PLD5: variants seen among roughly 807,000 people sequenced by gnomAD.
PLD5 encodes the protein inactive phospholipase D5.
In PLD5, 36 loss-of-function variants were observed where a neutral mutation model predicts 61.1. That is an observed-to-expected ratio of 0.59 (90% CI 0.45 to 0.78). PLD5 has a LOEUF of 0.78. Ranked by LOEUF, PLD5 falls within the 30% of genes least tolerant of loss-of-function variation. PLD5 has a pLI of 0.00. For missense variants in PLD5, 515 were observed against 644.4 expected, an observed-to-expected ratio of 0.80 and a Z score of 2.17; for synonymous variants, 243 against 242.8, an observed-to-expected ratio of 1.00 and a Z score of -0.01.
intron 4 of PLD5, among the ~76,000 whole-genome samples, chr1:242,243,255 G>C (rs369079524): frequency 6.6e-6 from 1 of 152,360 alleles, no homozygotes; most frequent in East Asian, 1.9e-4. Context: ...GCAGTTTAAA[G>C]AGAGTCCGGC....
intron 2 of PLD5, among the ~76,000 whole-genome samples, chr1:242,308,990 G>A (rs1183160346): frequency 2.0e-5 from 3 of 152,064 alleles, no homozygotes; most frequent in Non-Finnish European, 2.9e-5. Context: ...AAAGTGGAGC[G>A]GGGAAAAAGA....
chr1:242,187,515 C>T (rs1007002482), intron 5 of PLD5, among the ~76,000 whole-genome samples: 2 of 152,048 alleles, frequency 1.3e-5, no homozygotes, highest in Non-Finnish European at 2.9e-5. Flanking sequence ...TATTAATATA[C>T]AAATATATAA....
At chr1:242,246,752 T>G (rs1443364901) in intron 4 of PLD5, among the ~76,000 whole-genome samples, 4 of 152,204 alleles carry the variant, frequency 2.6e-5, no homozygotes, top group Admixed American at 6.5e-5. Flanking sequence ...AGGTTTATTC[T>G]GAGCCAATCT....
chr1:242,250,163 T>C (rs1427519575), intron 4 of PLD5, among the ~76,000 whole-genome samples: 1 of 152,194 alleles, frequency 6.6e-6, no homozygotes, highest in Admixed American at 6.5e-5. Context: ...AGAAAAACGG[T>C]ATACTCAGTG....
Position 242,456,753 on chromosome 1 carries a change from A to T in PLD5, c.189+67335T>A, listed in dbSNP as rs72765040. On this transcript the variant is annotated intron_variant, in intron 1 of 9. Transcript: ENST00000536534. ...CTAGTTTTCTGATTTCTTTTGAAAC[A>T]TCAGAAGATCTGGCCCCTGTGAGAC... Among the ~76,000 whole-genome samples, 757 of 152,344 alleles carry T rather than the reference A, an allele frequency of 5.0e-3. 4 individuals are homozygous for T. The highest frequency in any genetic ancestry group is 8.1e-3 in the Non-Finnish European group (553 of 68,036).
chr1:242,289,328 T>C (rs1254855185), intron 2 of PLD5, among the ~76,000 whole-genome samples: 1 of 152,180 alleles, frequency 6.6e-6, no homozygotes, highest in African/African-American at 2.4e-5. Context: ...TTTATTAAGC[T>C]TTATTTATTA....
intron 1 of PLD5, among the ~76,000 whole-genome samples, chr1:242,395,035 ATG>A (rs1236420793): frequency 2.4e-4 from 15 of 61,448 alleles, no homozygotes; most frequent in African/African-American, 5.8e-4. Context: ...GTATATATGA[ATG>A]TATATGTATA....
chr1:242,117,973 A>G (rs1458768553), intron 6 of PLD5, among the ~76,000 whole-genome samples: 2 of 46,342 alleles, frequency 4.3e-5, no homozygotes, highest in East Asian at 1.3e-3. Context: ...AATGTGTCCA[A>G]ATGCTCACAT....
chr1:242,084,314 A>C lies in PLD5; in HGVS notation c.*5540T>G, dbSNP rs1165411110. 1 of 151,850 alleles carries C rather than the reference A, an allele frequency of 6.6e-6. No homozygotes were observed. The highest frequency in any genetic ancestry group is 1.5e-5 in the Non-Finnish European group (1 of 67,984). 9.4% of individuals were successfully genotyped at this position (151,850 alleles called of 1,614,324 possible). A position where few individuals can be genotyped will look rare whatever the true frequency, so the allele number is the denominator to read the frequency against. Reference sequence around the variant, plus strand: ...CAATGATAGTTTTTTTTTTAAAAGTATGCCTCTCAGATTGATTCTCTTTAT... The same window carrying C: ...CAATGATAGTTTTTTTTTTAAAAGTCTGCCTCTCAGATTGATTCTCTTTAT... On this transcript the variant is annotated 3_prime_UTR_variant, in exon 10 of 10. Coordinates refer to ENST00000536534, the MANE Select transcript of PLD5 (RefSeq NM_001372062.1).
chr1:242,290,593 C>T (rs1297570073), intron 2 of PLD5, among the ~76,000 whole-genome samples: 1 of 151,798 alleles, frequency 6.6e-6, no homozygotes, highest in Non-Finnish European at 1.5e-5. Context: ...ACGCCACTGG[C>T]ATGGAGAAAC....
intron 2 of PLD5, among the ~76,000 whole-genome samples, chr1:242,334,585 C>T (rs1158105952): frequency 1.3e-5 from 2 of 152,126 alleles, no homozygotes; most frequent in African/African-American, 4.8e-5. Flanking sequence ...GCAGCCCTGA[C>T]TTGGCCCTGG....
chr1:242,365,266 C>G (rs1571984164), intron 1 of PLD5: 2 of 152,678 alleles, frequency 1.3e-5, no homozygotes, highest in Non-Finnish European at 2.9e-5. Flanking sequence ...TGCAAGTGCC[C>G]CAAGTTTTTG....
intron 1 of PLD5, among the ~76,000 whole-genome samples, chr1:242,419,983 G>C (rs552329994): frequency 2.4e-4 from 37 of 152,252 alleles, no homozygotes; most frequent in African/African-American, 8.9e-4. Flanking sequence ...TAGGGAGCTT[G>C]AGACCCAGAA....
chr1:242,366,286 C>T (rs115542833), intron 1 of PLD5, among the ~76,000 whole-genome samples: 2,836 of 152,260 alleles, frequency 0.019, 42 homozygotes, highest in Non-Finnish European at 0.031. Flanking sequence ...GATAATTTTT[C>T]AATTTCCTCT....
chr1:242,173,627 G>A (rs997965211), intron 5 of PLD5, among the ~76,000 whole-genome samples: 11 of 152,192 alleles, frequency 7.2e-5, no homozygotes, highest in Non-Finnish European at 1.5e-4. Flanking sequence ...GAGGCATCAT[G>A]CTACCTGACT....
intron 4 of PLD5, among the ~76,000 whole-genome samples, chr1:242,242,215 G>A (rs926144610): frequency 6.6e-6 from 1 of 151,812 alleles, no homozygotes; most frequent in Non-Finnish European, 1.5e-5. Context: ...AGTAACTTGC[G>A]CGAGGTCCTA....
chr1:242,197,432 G>T (rs1212714029), intron 5 of PLD5, among the ~76,000 whole-genome samples: 4 of 152,090 alleles, frequency 2.6e-5, no homozygotes, highest in Non-Finnish European at 5.9e-5. Flanking sequence ...TCCACTCATA[G>T]TTGGCATTGT....
chr1:242,183,951 G>A (rs907937110), intron 5 of PLD5, among the ~76,000 whole-genome samples: 1 of 147,310 alleles, frequency 6.8e-6, no homozygotes, highest in Non-Finnish European at 1.5e-5. Context: ...GATTGTTTAT[G>A]TAGTTAGGTC....
intron 2 of PLD5, among the ~76,000 whole-genome samples, chr1:242,290,539 C>A (rs1413578082): frequency 6.6e-6 from 1 of 151,990 alleles, no homozygotes; most frequent in African/African-American, 2.4e-5. Flanking sequence ...CATTTGGGAG[C>A]AACCAAGTGT....
Sources: gnomAD v4.1 joint callset for allele counts (sites outside exome capture counted in the v4.1 genomes callset) on GRCh38, gnomAD v4.1.1 for gene constraint, MANE v1.5 for transcripts, NCBI Gene and HGNC (gene_info 2026-07-23, HGNC 2026-07-21) for gene names.